MED13L: variants seen among roughly 807,000 people sequenced by gnomAD.
MED13L encodes the protein mediator complex subunit 13L, also known as mediator of RNA polymerase II transcription subunit 13-like.
Under a neutral mutation model 220.9 loss-of-function variants are expected in MED13L, and 7 were observed. The observed-to-expected ratio is 0.03, with a 90% CI of 0.02 to 0.06. The LOEUF (loss-of-function observed/expected upper bound fraction) is 0.06, where lower values mean the gene tolerates loss of function less well. MED13L is among the 10% of genes least tolerant of loss of function. The pLI is 1.00. For missense variants in MED13L, 1,965 were observed against 2,760.5 expected, an observed-to-expected ratio of 0.71 and a Z score of 6.46; for synonymous variants, 1,011 against 1,015.2, an observed-to-expected ratio of 1.00 and a Z score of 0.08.
intron 2 of MED13L, among the ~76,000 whole-genome samples, chr12:116,135,699 C>T (rs1876481149): frequency 6.6e-6 from 1 of 151,966 alleles, no homozygotes; most frequent in Non-Finnish European, 1.5e-5. Flanking sequence ...GAACCAGGCT[C>T]GTGAGATGAA....
At chr12:116,002,525 T>C (rs1369300733) in intron 14 of MED13L, among the ~76,000 whole-genome samples, 1 of 152,176 alleles carries the variant, frequency 6.6e-6, no homozygotes, top group Non-Finnish European at 1.5e-5. Flanking sequence ...TCAGCATATA[T>C]GGTAAAACTA....
At chr12:116,209,437 A>C (rs1480309330) in intron 2 of MED13L, among the ~76,000 whole-genome samples, 1 of 152,128 alleles carries the variant, frequency 6.6e-6, no homozygotes, top group East Asian at 1.9e-4. Context: ...ATATCCCTTC[A>C]TGCCTTTGTT....
chr12:116,241,456 TC>T (rs1338928540), intron 1 of MED13L, among the ~76,000 whole-genome samples: 1 of 152,120 alleles, frequency 6.6e-6, no homozygotes, highest in Non-Finnish European at 1.5e-5. Context: ...GATGAGTCAG[TC>T]CCCATGAAAA....
At position 115,978,088 on chromosome 12, in the gene MED13L, G is replaced by GA. The variant is rs931335964; in HGVS notation, c.5365-2351dup. On this transcript the variant is annotated intron_variant, in intron 23 of 30. Coordinates refer to ENST00000281928, the MANE Select transcript of MED13L (RefSeq NM_015335.5). ...ATATAATTAGACCCTGTCTAAAAAA[G>GA]AAAAAAAAATCATATATTGTGTGAT... is the stretch of plus-strand genomic sequence containing the variant. 1.5e-3 allele frequency among the ~76,000 whole-genome samples: 232 copies of GA among 150,712 alleles called. 1 individual carries two copies. Among genetic ancestry groups the GA allele is most frequent in the Admixed American group, 4.1e-3 (62 of 15,160 alleles).
chr12:116,004,894 C>T (rs1431117817), intron 13 of MED13L, among the ~76,000 whole-genome samples: 4 of 152,154 alleles, frequency 2.6e-5, no homozygotes, highest in East Asian at 1.9e-4. Context: ...CACTGCTCCC[C>T]ATCACTTGGT....
intron 1 of MED13L, among the ~76,000 whole-genome samples, chr12:116,250,025 T>TAAAAAAAAAAAAAAAAAAAAA (rs71095516): frequency 2.5e-5 from 1 of 40,462 alleles, no homozygotes; most frequent in Non-Finnish European, 4.2e-5. Context: ...CAGCATAAAC[T>TAAAAAAAAAAAAAAAAAAAAA]AAAAAAAAAA....
chr12:116,266,172 G>A (rs1020536664), intron 1 of MED13L, among the ~76,000 whole-genome samples: 2 of 152,092 alleles, frequency 1.3e-5, no homozygotes, highest in Non-Finnish European at 2.9e-5. Flanking sequence ...TGGCTACCCC[G>A]TCCAATCTCA....
At chr12:116,172,228 C>T (rs1306840438) in intron 2 of MED13L, among the ~76,000 whole-genome samples, 1 of 152,074 alleles carries the variant, frequency 6.6e-6, no homozygotes, top group Non-Finnish European at 1.5e-5. Flanking sequence ...ATCAATGACT[C>T]TAAAAAAGAA....
intron 2 of MED13L, among the ~76,000 whole-genome samples, chr12:116,173,205 A>C (rs755200833): frequency 2.8e-4 from 43 of 152,130 alleles, no homozygotes; most frequent in Non-Finnish European, 5.9e-5. Flanking sequence ...GTTTAAGAAT[A>C]AAATATTTTC....
intron 1 of MED13L, among the ~76,000 whole-genome samples, chr12:116,252,776 G>A (rs1254296884): frequency 6.6e-6 from 1 of 151,926 alleles, no homozygotes; most frequent in African/African-American, 2.4e-5. Flanking sequence ...AATCAAGAGG[G>A]AAAGAACAGA....
At chr12:116,250,357 ATT>A (rs923049117) in intron 1 of MED13L, among the ~76,000 whole-genome samples, 2 of 148,692 alleles carry the variant, frequency 1.3e-5, no homozygotes, top group South Asian at 2.1e-4. Context: ...AACTAGAATA[ATT>A]TTTTTTTTTA....
At chr12:116,100,123 C>T (rs1252315407) in intron 3 of MED13L, among the ~76,000 whole-genome samples, 1 of 152,012 alleles carries the variant, frequency 6.6e-6, no homozygotes, top group East Asian at 1.9e-4. Context: ...ACACACAGTC[C>T]CTCCAAGATT....
chr12:116,245,914 C>T (rs1871057113), intron 1 of MED13L, among the ~76,000 whole-genome samples: 1 of 152,110 alleles, frequency 6.6e-6, no homozygotes. Context: ...ATTGAAAGAG[C>T]TCTCTGAGTG....
chr12:116,135,167 TCAAA>T (rs772438898), intron 2 of MED13L, among the ~76,000 whole-genome samples: 32 of 152,158 alleles, frequency 2.1e-4, no homozygotes, highest in Middle Eastern at 3.4e-3. Context: ...AGACCCCGTC[TCAAA>T]CAAACAAACA....
intron 2 of MED13L, among the ~76,000 whole-genome samples, chr12:116,196,420 G>A (rs1346884749): frequency 6.6e-6 from 1 of 151,450 alleles, no homozygotes; most frequent in East Asian, 1.9e-4. Flanking sequence ...CTTCGGCTTC[G>A]GCTGCAACTT....
At chr12:116,145,076 G>C (rs1445657725) in intron 2 of MED13L, among the ~76,000 whole-genome samples, 1 of 152,110 alleles carries the variant, frequency 6.6e-6, no homozygotes, top group East Asian at 1.9e-4. Context: ...AAATAAAACT[G>C]GCTTATCCAA....
chr12:115,961,152 T>C lies in MED13L; in HGVS notation c.*114A>G. On this transcript the variant is annotated 3_prime_UTR_variant, in exon 31 of 31. Transcript: ENST00000281928. ...CTGAGAAGGAATCACAGTGCAGGACTGTGGAGAGTGGTCTGAAGAAAAGGA... is the reference window on the plus strand; with the variant it reads ...CTGAGAAGGAATCACAGTGCAGGACCGTGGAGAGTGGTCTGAAGAAAAGGA... The C allele has an allele frequency of 1.5e-6, 2 of 1,356,386 alleles. No homozygotes were observed. The highest frequency in any genetic ancestry group is 2.3e-5 in the East Asian group (1 of 43,132). The allele number at this position is 1,356,386 out of a possible 1,614,324, so 84.0% of individuals were successfully genotyped here. A position where few individuals can be genotyped will look rare whatever the true frequency, so the allele number is the denominator to read the frequency against.
chr12:116,090,560 C>T (rs1398422790), intron 4 of MED13L, among the ~76,000 whole-genome samples: 1 of 152,138 alleles, frequency 6.6e-6, no homozygotes, highest in South Asian at 2.1e-4. Flanking sequence ...ATGGATAGGA[C>T]ATGTCCAGAC....
chr12:116,237,387 T>A (rs1870186744), intron 2 of MED13L, 81 bp downstream of exon 2: 2 of 1,128,410 alleles, frequency 1.8e-6, no homozygotes, highest in African/African-American at 3.1e-5. Context: ...TTTAGACAAG[T>A]CTTAATAATC....
Sources: allele counts gnomAD v4.1 joint callset (sites outside exome capture counted in the v4.1 genomes callset), GRCh38; gene constraint gnomAD v4.1.1; transcripts MANE v1.5; gene names NCBI Gene and HGNC (gene_info 2026-07-23, HGNC 2026-07-21).